The following HPSE2 variants were observed in gnomAD, a reference collection of about 807,000 sequenced individuals.
The protein encoded by HPSE2 is inactive heparanase-2.
Under a neutral mutation model 60.5 loss-of-function variants are expected in HPSE2, and 38 were observed. The ratio of observed to expected loss-of-function variants is 0.63; its 90% CI spans 0.48 to 0.82. The LOEUF (loss-of-function observed/expected upper bound fraction) is 0.82. Among genes scored for constraint, HPSE2 ranks in the 40% least tolerant of loss-of-function variants. HPSE2 has a pLI of 0.00. For synonymous variants in HPSE2, 295 were observed against 293.2 expected (o/e 1.01, Z -0.06); for missense variants, 713 against 740.4 (o/e 0.96, Z 0.43).
chr10:99,239,544 C>G (rs1000444330), upstream of HPSE2, among the ~76,000 whole-genome samples: 5 of 151,056 alleles, frequency 3.3e-5, no homozygotes, highest in African/African-American at 1.2e-4. Context: ...ATTCTCCTGC[C>G]TCAGCCTCCC....
intron 9 of HPSE2, among the ~76,000 whole-genome samples, chr10:98,524,254 T>C (rs554251962): frequency 6.6e-6 from 1 of 152,312 alleles, no homozygotes; most frequent in South Asian, 2.1e-4. Context: ...GTGCACAATA[T>C]GCGTGTCCAA....
intron 5 of HPSE2, among the ~76,000 whole-genome samples, chr10:98,717,760 G>T (rs1007452814): frequency 6.6e-6 from 1 of 151,998 alleles, no homozygotes; most frequent in African/African-American, 2.4e-5. Context: ...GAAAAAACGT[G>T]AAATGTTGCA....
intron 3 of HPSE2, among the ~76,000 whole-genome samples, chr10:99,103,088 T>G (rs1408794637): frequency 6.6e-6 from 1 of 152,180 alleles, no homozygotes; most frequent in African/African-American, 2.4e-5. Context: ...AGGGATGCCC[T>G]TTCTCACCCC....
At chr10:98,913,648 A>G (rs191509318) in intron 3 of HPSE2, among the ~76,000 whole-genome samples, 25 of 152,324 alleles carry the variant, frequency 1.6e-4, no homozygotes, top group Admixed American at 1.4e-3. Context: ...AAAAGCTACC[A>G]AAATGAGCAG....
At chr10:98,853,498 A>G (rs764502639) in intron 3 of HPSE2, among the ~76,000 whole-genome samples, 1 of 151,740 alleles carries the variant, frequency 6.6e-6, no homozygotes, top group Non-Finnish European at 1.5e-5. Context: ...CTCCTTTTTT[A>G]TCTTGTCTCC....
rs115419469 is a variant in HPSE2 at position 98,539,574 on chromosome 10, C to T, written c.1321-49378G>A. On this transcript the variant is annotated intron_variant, in intron 9 of 11. Transcript: ENST00000370552. ...AAGCATGTTAACAAAGCTGTGTGAT[C>T]CTGTTTTTAGCATTTTACTCAGATT... Among the ~76,000 whole-genome samples the T allele has an allele frequency of 3.5e-3, 538 of 152,216 alleles. 5 individuals carry two copies. Among genetic ancestry groups the T allele is most frequent in the African/African-American group, 0.012 (505 of 41,544 alleles).
intron 9 of HPSE2, among the ~76,000 whole-genome samples, chr10:98,498,872 A>C: frequency 6.6e-6 from 1 of 152,214 alleles, no homozygotes. Flanking sequence ...AAGTCTCAGC[A>C]ATAGAACTGA....
At chr10:98,986,241 AG>A (rs1199953319) in intron 3 of HPSE2, among the ~76,000 whole-genome samples, 4 of 152,192 alleles carry the variant, frequency 2.6e-5, no homozygotes, top group African/African-American at 9.7e-5. Flanking sequence ...CATAGTTGGA[AG>A]TAAAGCACTC....
rs66562418 is a variant in HPSE2 at position 99,086,346 on chromosome 10, C to CTTTTTTTTTTTTTTTTT, written c.610+57875_610+57891dup. The stretch of plus-strand genomic sequence containing the variant: ...AGGTGGTAATACGGAAAAGTACTTT[C>CTTTTTTTTTTTTTTTTT]TTTTTTTTTTTTTTTTTTTTTTTTG... On this transcript the variant is annotated intron_variant, in intron 3 of 11. Coordinates refer to ENST00000370552, the MANE Select transcript of HPSE2 (RefSeq NM_021828.5). 9.6e-5 allele frequency among the ~76,000 whole-genome samples: 8 copies of CTTTTTTTTTTTTTTTTT among 82,996 alleles called. 1 individual carries two copies. The highest frequency in any genetic ancestry group is 4.3e-4 in the East Asian group (1 of 2,320). The allele number at this position is 82,996 out of a possible 152,430, so 54.4% of individuals were successfully genotyped here. A position where few individuals can be genotyped will look rare whatever the true frequency, so the allele number is the denominator to read the frequency against.
At chr10:98,989,894 T>C (rs1235505606) in intron 3 of HPSE2, among the ~76,000 whole-genome samples, 2 of 152,220 alleles carry the variant, frequency 1.3e-5, no homozygotes, top group Non-Finnish European at 2.9e-5. Context: ...TTCTGCTGTC[T>C]CATCACTGAA....
At chr10:98,874,639 A>G (rs1053654376) in intron 3 of HPSE2, among the ~76,000 whole-genome samples, 1 of 152,050 alleles carries the variant, frequency 6.6e-6, no homozygotes, top group Non-Finnish European at 1.5e-5. Flanking sequence ...CAGAACTTCC[A>G]ATACTATGTC....
chr10:98,819,093 T>C (rs937372689), intron 3 of HPSE2, among the ~76,000 whole-genome samples: 5 of 152,150 alleles, frequency 3.3e-5, no homozygotes, highest in Non-Finnish European at 7.4e-5. Context: ...TAGGGGGAGA[T>C]TGCATACAAT....
intron 5 of HPSE2, among the ~76,000 whole-genome samples, chr10:98,709,400 A>C (rs1457900463): frequency 6.6e-6 from 1 of 152,226 alleles, no homozygotes; most frequent in Non-Finnish European, 1.5e-5. Context: ...GAATACTGAC[A>C]AGAGTGGAAG....
intron 3 of HPSE2, among the ~76,000 whole-genome samples, chr10:99,123,745 G>A (rs1022385112): frequency 6.6e-6 from 1 of 152,202 alleles, no homozygotes; most frequent in South Asian, 2.1e-4. Flanking sequence ...TGGTTCTGAT[G>A]AGTACAGCTG....
chr10:98,507,178 G>C (rs1408072242), intron 9 of HPSE2, among the ~76,000 whole-genome samples: 1 of 152,114 alleles, frequency 6.6e-6, no homozygotes, highest in African/African-American at 2.4e-5. Context: ...CAGGGAAATG[G>C]GGTAGTAAGG....
At chr10:98,814,711 G>A (rs1445310863) in intron 3 of HPSE2, among the ~76,000 whole-genome samples, 1 of 152,158 alleles carries the variant, frequency 6.6e-6, no homozygotes, top group East Asian at 1.9e-4. Context: ...ATGCTCCAGG[G>A]TAAGAAGCAG....
intron 3 of HPSE2, among the ~76,000 whole-genome samples, chr10:99,140,464 T>A (rs1296331948): frequency 6.6e-6 from 1 of 152,250 alleles, no homozygotes; most frequent in Non-Finnish European, 1.5e-5. Flanking sequence ...TTTAGAAATT[T>A]GACCTCATTT....
At chr10:98,892,697 TC>T (rs1209841372) in intron 3 of HPSE2, among the ~76,000 whole-genome samples, 1 of 152,206 alleles carries the variant, frequency 6.6e-6, no homozygotes, top group Non-Finnish European at 1.5e-5. Flanking sequence ...AAGTTAACTG[TC>T]TGACAAGTAA....
At chr10:98,705,312 A>T (rs4919255) in intron 5 of HPSE2, among the ~76,000 whole-genome samples, 108,588 of 152,130 alleles carry the variant, frequency 0.71, 40,785 homozygotes, top group South Asian at 0.95. Context: ...TTGGTGGGAA[A>T]GTAAATTAGT....
Sources: allele counts gnomAD v4.1 joint callset (sites outside exome capture counted in the v4.1 genomes callset), GRCh38; gene constraint gnomAD v4.1.1; transcripts MANE v1.5; gene names NCBI Gene and HGNC (gene_info 2026-07-23, HGNC 2026-07-21).